FOXN3: variants seen among roughly 807,000 people sequenced by gnomAD.
FOXN3 encodes forkhead box N3.
A neutral mutation model predicts 38.4 loss-of-function variants in FOXN3; 7 were observed. The observed-to-expected ratio is 0.18, with a 90% CI of 0.10 to 0.34. The LOEUF (loss-of-function observed/expected upper bound fraction) is 0.34. FOXN3 is among the 10% of genes least tolerant of loss of function. FOXN3 has a pLI of 1.00. For synonymous variants in FOXN3, 230 were observed against 242.2 expected (o/e 0.95, Z 0.47); for missense variants, 456 against 613.4 (o/e 0.74, Z 2.71).
chr14:89,410,873 CA>C (rs140339817), intron 2 of FOXN3, among the ~76,000 whole-genome samples: 3 of 135,806 alleles, frequency 2.2e-5, no homozygotes, highest in Non-Finnish European at 3.2e-5. Flanking sequence ...ACCCTGGTCC[CA>C]AAAAAAAAGA....
At chr14:89,593,135 G>A (rs771139870) in intron 1 of FOXN3, among the ~76,000 whole-genome samples, 1 of 134,922 alleles carries the variant, frequency 7.4e-6, no homozygotes, top group Non-Finnish European at 1.5e-5. Flanking sequence ...AGGAGGGAAG[G>A]AGGGAGGGAG....
chr14:89,393,093 C>T (rs2140079588), intron 2 of FOXN3, among the ~76,000 whole-genome samples: 1 of 152,136 alleles, frequency 6.6e-6, no homozygotes, highest in East Asian at 1.9e-4. Context: ...GCATGAGCCA[C>T]CGTGCCCGGC....
intron 3 of FOXN3, among the ~76,000 whole-genome samples, chr14:89,316,523 T>C (rs1596177935): frequency 1.3e-3 from 1 of 798 alleles, no homozygotes; most frequent in African/African-American, 1.3e-3. Context: ...GTCCAACTAC[T>C]TTTTTTTTTT....
At chr14:89,277,832 T>C (rs917792568) in intron 4 of FOXN3, among the ~76,000 whole-genome samples, 3 of 152,226 alleles carry the variant, frequency 2.0e-5, no homozygotes, top group Admixed American at 6.5e-5. Context: ...TTCCCGTCGC[T>C]ATACAAAGGT....
intron 2 of FOXN3, among the ~76,000 whole-genome samples, chr14:89,363,589 T>C (rs903600531): frequency 6.6e-6 from 1 of 152,224 alleles, no homozygotes; most frequent in African/African-American, 2.4e-5. Flanking sequence ...TCTCCAAAAG[T>C]CATTTTGGGC....
At chr14:89,486,309 A>T (rs1282670855) in intron 1 of FOXN3, among the ~76,000 whole-genome samples, 1 of 152,232 alleles carries the variant, frequency 6.6e-6, no homozygotes, top group Non-Finnish European at 1.5e-5. Flanking sequence ...TTGTATTTCT[A>T]CGACTCACAC....
chr14:89,466,211 G>A (rs1171778394), intron 1 of FOXN3, among the ~76,000 whole-genome samples: 17 of 152,062 alleles, frequency 1.1e-4, no homozygotes, highest in Admixed American at 1.1e-3. Context: ...ATTAGTATCT[G>A]TGCCTTCCGA....
intron 4 of FOXN3, among the ~76,000 whole-genome samples, chr14:89,184,781 G>T (rs1032789301): frequency 6.6e-6 from 1 of 152,168 alleles, no homozygotes; most frequent in East Asian, 1.9e-4. Context: ...TGGCTGGCTC[G>T]TTATGTAAGC....
intron 4 of FOXN3, among the ~76,000 whole-genome samples, chr14:89,274,427 T>C (rs1262582824): frequency 6.6e-6 from 1 of 152,234 alleles, no homozygotes; most frequent in African/African-American, 2.4e-5. Flanking sequence ...TATGGAGCAT[T>C]TGTGAGGTGT....
chr14:89,500,468 T>C (rs189858928), intron 1 of FOXN3, among the ~76,000 whole-genome samples: 1 of 152,308 alleles, frequency 6.6e-6, no homozygotes, highest in East Asian at 1.9e-4. Context: ...CCTTATTCAA[T>C]AGGAGAGGTC....
intron 1 of FOXN3, among the ~76,000 whole-genome samples, chr14:89,464,174 A>AT (rs1194926822): frequency 6.6e-6 from 1 of 152,144 alleles, no homozygotes; most frequent in Non-Finnish European, 1.5e-5. Context: ...CTGAGTAGAG[A>AT]TGTGGCACAA....
At chr14:89,517,235 C>T (rs142239948) in intron 1 of FOXN3, among the ~76,000 whole-genome samples, 28 of 151,932 alleles carry the variant, frequency 1.8e-4, no homozygotes, top group African/African-American at 5.3e-4. Context: ...TGGTGGCACA[C>T]GCCTGTAATC....
intron 1 of FOXN3, among the ~76,000 whole-genome samples, chr14:89,463,587 G>T (rs112281993): frequency 0.017 from 2,575 of 152,240 alleles, 67 homozygotes; most frequent in African/African-American, 0.058. Context: ...TTCTTCTAGA[G>T]CAGAGAGAGT....
In FOXN3 at chr14:89,298,556, G is replaced by A. The variant is rs1887118438; in HGVS notation, c.681-17542C>T. Among the ~76,000 whole-genome samples, 4 of 149,284 alleles carry A rather than the reference G, an allele frequency of 2.7e-5. No individual in the cohort carries two copies. The South Asian group carries it at 8.4e-4, about 31-fold the overall frequency. On this transcript the variant is annotated intron_variant, in intron 3 of 5. Transcript: ENST00000557258. ...CAATTTAATAAATAAATAACAGATA[G>A]ACGACAGACAGACAAACAGACATTT...
intron 1 of FOXN3, among the ~76,000 whole-genome samples, chr14:89,534,158 T>C (rs1031278280): frequency 6.9e-6 from 1 of 144,302 alleles, no homozygotes; most frequent in Non-Finnish European, 1.5e-5. Flanking sequence ...CAGGCTGGAG[T>C]GCAGTGGCTC....
At chr14:89,209,525 G>A (rs756911986) in intron 4 of FOXN3, among the ~76,000 whole-genome samples, 47 of 152,204 alleles carry the variant, frequency 3.1e-4, no homozygotes, top group Non-Finnish European at 5.4e-4. Context: ...GCGGAGTGAC[G>A]ATTCCTGCTT....
At chr14:89,271,439 T>C (rs1396279213) in intron 4 of FOXN3, among the ~76,000 whole-genome samples, 1 of 152,232 alleles carries the variant, frequency 6.6e-6, no homozygotes, top group Non-Finnish European at 1.5e-5. Flanking sequence ...CTAACTGATA[T>C]AATTTAATAG....
chr14:89,165,885 A>G (rs1887229225), intron 5 of FOXN3, among the ~76,000 whole-genome samples: 1 of 152,260 alleles, frequency 6.6e-6, no homozygotes, highest in Admixed American at 6.5e-5. Context: ...GGCTATATTT[A>G]GCTTTTAATA....
intron 2 of FOXN3, among the ~76,000 whole-genome samples, chr14:89,402,446 C>A (rs1891274253): frequency 6.6e-6 from 1 of 152,222 alleles, no homozygotes; most frequent in Admixed American, 6.5e-5. Context: ...TCCTAAACAT[C>A]TAGACCTTTG....
Sources: allele counts gnomAD v4.1 joint callset (sites outside exome capture counted in the v4.1 genomes callset), GRCh38; gene constraint gnomAD v4.1.1; transcripts MANE v1.5; gene names NCBI Gene and HGNC (gene_info 2026-07-23, HGNC 2026-07-21).